The following LUZP2 variants were observed in gnomAD, a reference collection of about 807,000 sequenced individuals.
LUZP2 encodes the protein leucine zipper protein 2.
A neutral mutation model predicts 51.6 loss-of-function variants in LUZP2; 52 were observed. The ratio of observed to expected loss-of-function variants is 1.01; its 90% CI spans 0.81 to 1.27. The LOEUF is 1.27. Among genes scored for constraint, LUZP2 ranks in the 50% most tolerant of loss-of-function variants. The pLI is 0.00. For synonymous variants in LUZP2, 154 were observed against 137.3 expected (o/e 1.12, Z -0.85); for missense variants, 436 against 395.4 (o/e 1.10, Z -0.87).
intron 1 of LUZP2, among the ~76,000 whole-genome samples, chr11:24,641,096 T>G (rs2133945226): frequency 6.6e-6 from 1 of 151,680 alleles, no homozygotes; most frequent in Admixed American, 6.6e-5. Context: ...TTATTTTTTG[T>G]GGAGATGAGG....
At chr11:24,654,155 G>A (rs962801939) in intron 1 of LUZP2, among the ~76,000 whole-genome samples, 2 of 152,096 alleles carry the variant, frequency 1.3e-5, no homozygotes, top group Non-Finnish European at 2.9e-5. Context: ...TGCACACATC[G>A]TAACTGGAAG....
intron 9 of LUZP2, among the ~76,000 whole-genome samples, chr11:25,045,140 T>A (rs1398025760): frequency 6.6e-6 from 1 of 151,402 alleles, no homozygotes; most frequent in East Asian, 2.0e-4. Flanking sequence ...CACACCAACA[T>A]GGCACATGTA....
Position 24,602,272 on chromosome 11 carries a change from A to ATG in LUZP2, c.62+104967_62+104968insTG, listed in dbSNP as rs1211280068. On this transcript the variant is annotated intron_variant, in intron 1 of 11. Transcript: ENST00000336930. The stretch of plus-strand genomic sequence containing the variant: ...TATATATGCAAACATATATGTACAT[A>ATG]CATATATACACACATATATATGTAC... Among the ~76,000 whole-genome samples the ATG allele has an allele frequency of 9.7e-4, 134 of 138,718 alleles. 1 individual carries two copies. The highest frequency in any genetic ancestry group is 3.9e-3 in the African/African-American group (129 of 33,138). 91.0% of individuals were successfully genotyped at this position (138,718 alleles called of 152,430 possible). A position where few individuals can be genotyped will look rare whatever the true frequency, so the allele number is the denominator to read the frequency against.
chr11:24,963,534 C>T (rs10219269), intron 7 of LUZP2, among the ~76,000 whole-genome samples: 3 of 152,106 alleles, frequency 2.0e-5, no homozygotes, highest in Admixed American at 6.5e-5. Flanking sequence ...GTGCTAGCAA[C>T]CAGCGAGACT....
At chr11:24,612,888 C>T (rs1411413484) in intron 1 of LUZP2, among the ~76,000 whole-genome samples, 1 of 152,078 alleles carries the variant, frequency 6.6e-6, no homozygotes, top group Non-Finnish European at 1.5e-5. Flanking sequence ...CTCCAATAGA[C>T]ATCTACCCAC....
At chr11:24,502,045 C>T (rs1850009986) in intron 1 of LUZP2, among the ~76,000 whole-genome samples, 1 of 151,944 alleles carries the variant, frequency 6.6e-6, no homozygotes, top group Admixed American at 6.6e-5. Flanking sequence ...CACAGACCTC[C>T]CCATAACACC....
intron 5 of LUZP2, among the ~76,000 whole-genome samples, chr11:24,768,187 G>A (rs572297208): frequency 8.6e-5 from 13 of 152,014 alleles, no homozygotes; most frequent in South Asian, 6.2e-4. Flanking sequence ...TGGCTGGAGC[G>A]CAGTGGTGCC....
chr11:24,527,610 G>T (rs1228749264), intron 1 of LUZP2, among the ~76,000 whole-genome samples: 7 of 139,350 alleles, frequency 5.0e-5, no homozygotes, highest in Non-Finnish European at 9.5e-5. Context: ...TTTATTTGTT[G>T]GCATCTTCTA....
chr11:24,557,810 T>C (rs1590177565), intron 1 of LUZP2, among the ~76,000 whole-genome samples: 1 of 152,184 alleles, frequency 6.6e-6, no homozygotes, highest in Non-Finnish European at 1.5e-5. Flanking sequence ...ATGTCAACTT[T>C]ATGGGATTAG....
At chr11:24,819,891 A>G (rs1260307597) in intron 5 of LUZP2, among the ~76,000 whole-genome samples, 1 of 152,154 alleles carries the variant, frequency 6.6e-6, no homozygotes, top group Non-Finnish European at 1.5e-5. Flanking sequence ...AAAAGACACT[A>G]GGCACAGAAA....
chr11:24,652,330 A>G (rs1194532783), intron 1 of LUZP2, among the ~76,000 whole-genome samples: 1 of 152,138 alleles, frequency 6.6e-6, no homozygotes, highest in African/African-American at 2.4e-5. Flanking sequence ...ATTTAAGAAG[A>G]TACGTGTTAA....
intron 1 of LUZP2, among the ~76,000 whole-genome samples, chr11:24,654,899 T>A (rs1855755313): frequency 6.6e-6 from 1 of 151,900 alleles, no homozygotes; most frequent in Non-Finnish European, 1.5e-5. Flanking sequence ...TCCAAAAAAA[T>A]AAAGATGTTC....
At chr11:24,793,971 A>C (rs1426998122) in intron 5 of LUZP2, among the ~76,000 whole-genome samples, 1 of 152,168 alleles carries the variant, frequency 6.6e-6, no homozygotes, top group Non-Finnish European at 1.5e-5. Context: ...TCAGAAAAGT[A>C]ATCTTTCTAA....
intron 7 of LUZP2, among the ~76,000 whole-genome samples, chr11:24,968,768 A>G (rs946251873): frequency 5.3e-5 from 8 of 152,168 alleles, no homozygotes; most frequent in African/African-American, 1.9e-4. Context: ...TTCCGCTTCA[A>G]TTGCTCAGTG....
At chr11:24,950,685 A>G (rs1037509034) in intron 7 of LUZP2, among the ~76,000 whole-genome samples, 1 of 151,554 alleles carries the variant, frequency 6.6e-6, no homozygotes, top group Non-Finnish European at 1.5e-5. Flanking sequence ...AAACTTCCCG[A>G]TAATTACCCC....
chr11:24,859,683 T>C (rs1341437847), intron 5 of LUZP2, among the ~76,000 whole-genome samples: 1 of 152,218 alleles, frequency 6.6e-6, no homozygotes, highest in Admixed American at 6.5e-5. Context: ...AAGGCTGGCA[T>C]GACCCACGGA....
chr11:24,652,973 T>C (rs1009136979), intron 1 of LUZP2, among the ~76,000 whole-genome samples: 3 of 152,154 alleles, frequency 2.0e-5, no homozygotes, highest in African/African-American at 7.2e-5. Flanking sequence ...ATGTTTAATG[T>C]GGAAAATTTA....
intron 1 of LUZP2, among the ~76,000 whole-genome samples, chr11:24,509,076 G>A (rs1050310352): frequency 3.9e-5 from 6 of 152,252 alleles, no homozygotes; most frequent in Middle Eastern, 3.4e-3. Flanking sequence ...TCATACACAC[G>A]CGACATGTGC....
intron 7 of LUZP2, among the ~76,000 whole-genome samples, chr11:24,969,131 T>C (rs1855674572): frequency 6.6e-6 from 1 of 152,152 alleles, no homozygotes; most frequent in Non-Finnish European, 1.5e-5. Context: ...CCAATAGTTA[T>C]CTTTTCTGCT....
Sources: gnomAD v4.1 joint callset for allele counts (sites outside exome capture counted in the v4.1 genomes callset) on GRCh38, gnomAD v4.1.1 for gene constraint, MANE v1.5 for transcripts, NCBI Gene and HGNC (gene_info 2026-07-23, HGNC 2026-07-21) for gene names.